PLCXD3: variants seen among roughly 807,000 people sequenced by gnomAD.
PLCXD3 encodes phosphatidylinositol specific phospholipase C X domain containing 3.
Under a neutral mutation model 25.5 loss-of-function variants are expected in PLCXD3, and 19 were observed. The ratio of observed to expected loss-of-function variants is 0.75; its 90% confidence interval spans 0.52 to 1.09. PLCXD3 has a LOEUF of 1.09. Among genes scored for constraint, PLCXD3 ranks in the 50% least tolerant of loss-of-function variants. The pLI, the probability that PLCXD3 is intolerant of heterozygous loss-of-function variation, is 0.00. For missense variants in PLCXD3, 411 were observed against 388.1 expected, an observed-to-expected ratio of 1.06 and a Z score of -0.50; for synonymous variants, 174 against 137.6, an observed-to-expected ratio of 1.26 and a Z score of -1.85.
At chr5:41,337,043 A>G (rs1446760120) in intron 2 of PLCXD3, among the ~76,000 whole-genome samples, 1 of 152,154 alleles carries the variant, frequency 6.6e-6, no homozygotes, top group African/African-American at 2.4e-5. Flanking sequence ...CAAACTTAAT[A>G]AGGGAGAAAA....
intron 1 of PLCXD3, among the ~76,000 whole-genome samples, chr5:41,466,430 T>C (rs1748019256): frequency 1.3e-5 from 2 of 152,172 alleles, no homozygotes; most frequent in South Asian, 4.1e-4. Flanking sequence ...TATTGAAAAA[T>C]CATAATTGTA....
At chr5:41,317,957 A>C (rs370085167) in intron 2 of PLCXD3, among the ~76,000 whole-genome samples, 1 of 152,166 alleles carries the variant, frequency 6.6e-6, no homozygotes, top group African/African-American at 2.4e-5. Context: ...ATTCAAAGAA[A>C]TAATAACAGA....
At chr5:41,479,423 C>A (rs148730796) in intron 1 of PLCXD3, among the ~76,000 whole-genome samples, 2 of 151,952 alleles carry the variant, frequency 1.3e-5, no homozygotes, top group Non-Finnish European at 1.5e-5. Flanking sequence ...GTGATGTTTG[C>A]ATAATAATGT....
intron 1 of PLCXD3, among the ~76,000 whole-genome samples, chr5:41,453,370 A>G (rs1344374468): frequency 6.7e-6 from 1 of 148,296 alleles, no homozygotes; most frequent in Admixed American, 6.7e-5. Context: ...TTTTTTTTTA[A>G]TGACCGCATG....
At chr5:41,492,669 G>A (rs1381273138) in intron 1 of PLCXD3, among the ~76,000 whole-genome samples, 3 of 151,786 alleles carry the variant, frequency 2.0e-5, no homozygotes, top group South Asian at 2.1e-4. Context: ...TTCCCTTCTC[G>A]CTTCATTTCA....
At chr5:41,462,799 A>C (rs1311580555) in intron 1 of PLCXD3, among the ~76,000 whole-genome samples, 2 of 151,454 alleles carry the variant, frequency 1.3e-5, no homozygotes, top group Admixed American at 6.6e-5. Context: ...AGAAAAAAAA[A>C]AGAAAAAGAA....
At chr5:41,397,879 A>G (rs1012932034) in intron 1 of PLCXD3, among the ~76,000 whole-genome samples, 1 of 152,160 alleles carries the variant, frequency 6.6e-6, no homozygotes, top group Non-Finnish European at 1.5e-5. Flanking sequence ...TTTGACTTGC[A>G]TGGGTCCTGT....
intron 2 of PLCXD3, among the ~76,000 whole-genome samples, chr5:41,379,718 C>T (rs897886065): frequency 1.3e-5 from 2 of 151,962 alleles, no homozygotes. Flanking sequence ...CATTCCTGGC[C>T]TCTTCAGATC....
intron 1 of PLCXD3, among the ~76,000 whole-genome samples, chr5:41,405,037 A>C (rs1366441038): frequency 1.3e-5 from 2 of 152,018 alleles, no homozygotes; most frequent in African/African-American, 4.8e-5. Context: ...TGCCTGTTCT[A>C]TTTCTGTTCT....
At chr5:41,345,141 G>T (rs570883173) in intron 2 of PLCXD3, among the ~76,000 whole-genome samples, 2 of 152,174 alleles carry the variant, frequency 1.3e-5, no homozygotes, top group African/African-American at 2.4e-5. Context: ...ATGAAGCAAG[G>T]CAACATTAGA....
chr5:41,407,769 G>A (rs111705583), intron 1 of PLCXD3, among the ~76,000 whole-genome samples: 128 of 152,174 alleles, frequency 8.4e-4, no homozygotes, highest in African/African-American at 2.9e-3. Flanking sequence ...AATAGCTCAC[G>A]GAACACTAAG....
rs571702754 is a variant in PLCXD3, at chr5:41,408,384, G to GACACATAC, written c.104-25858_104-25851dup. Among the ~76,000 whole-genome samples, 55 of 152,126 alleles carry GACACATAC rather than the reference G, an allele frequency of 3.6e-4. No homozygotes were observed. The East Asian group carries it at 7.0e-3, about 19-fold the overall frequency. On this transcript the variant is annotated intron_variant, in intron 1 of 2. Transcript: ENST00000377801. ...TGCTTCCACTCTCAGTCTCTTTTCTGACACATACACACATATGCATATACA... is the reference window on the plus strand; with the variant it reads ...TGCTTCCACTCTCAGTCTCTTTTCTGACACATACACACATACACACATATGCATATACA...
chr5:41,414,732 C>T (rs1257451680), intron 1 of PLCXD3, among the ~76,000 whole-genome samples: 1 of 152,146 alleles, frequency 6.6e-6, no homozygotes, highest in African/African-American at 2.4e-5. Context: ...TTAAATTGTG[C>T]ACCATTCTGA....
intron 1 of PLCXD3, among the ~76,000 whole-genome samples, chr5:41,477,395 G>A (rs1748304181): frequency 6.6e-6 from 1 of 152,240 alleles, no homozygotes; most frequent in African/African-American, 2.4e-5. Flanking sequence ...AGAAGACTTA[G>A]ATCCTATCCC....
chr5:41,404,858 T>C (rs1004186933), intron 1 of PLCXD3, among the ~76,000 whole-genome samples: 1 of 152,166 alleles, frequency 6.6e-6, no homozygotes, highest in Non-Finnish European at 1.5e-5. Flanking sequence ...GGCCCCAGTG[T>C]GCTGAGGTTT....
chr5:41,337,202 G>T (rs1744008160), intron 2 of PLCXD3, among the ~76,000 whole-genome samples: 1 of 152,040 alleles, frequency 6.6e-6, no homozygotes, highest in Non-Finnish European at 1.5e-5. Context: ...ACTTCCTCTG[G>T]CAAAGGTGAA....
intron 2 of PLCXD3, among the ~76,000 whole-genome samples, chr5:41,364,844 T>C (rs962504906): frequency 6.6e-6 from 1 of 152,230 alleles, no homozygotes; most frequent in African/African-American, 2.4e-5. Flanking sequence ...TGATGTGTAC[T>C]TTTGATAATC....
chr5:41,381,783 TA>T (rs754829249), intron 2 of PLCXD3, 42 bp downstream of exon 2: 3 of 1,483,850 alleles, frequency 2.0e-6, no homozygotes, highest in Non-Finnish European at 2.7e-6. Context: ...AAATTCAAGT[TA>T]AATTATTTGA....
At chr5:41,495,219 G>A (rs752070547) in intron 1 of PLCXD3, among the ~76,000 whole-genome samples, 2 of 152,216 alleles carry the variant, frequency 1.3e-5, no homozygotes, top group Non-Finnish European at 2.9e-5. Flanking sequence ...TAGACTGCAC[G>A]TCCAACATTC....
Sources: allele counts gnomAD v4.1 joint callset (sites outside exome capture counted in the v4.1 genomes callset), GRCh38; gene constraint gnomAD v4.1.1; transcripts MANE v1.5; gene names NCBI Gene and HGNC (gene_info 2026-07-23, HGNC 2026-07-21).